The following RELN variants were observed in gnomAD, a reference collection of about 807,000 sequenced individuals.
The protein encoded by RELN is reelin.
In RELN, 108 loss-of-function variants were observed where a neutral mutation model predicts 427.6. The ratio of observed to expected loss-of-function variants is 0.25; its 90% CI spans 0.22 to 0.30. The LOEUF (loss-of-function observed/expected upper bound fraction) is 0.30, where lower values mean the gene tolerates loss of function less well. Ranked by LOEUF, RELN falls within the 10% of genes least tolerant of loss-of-function variation. The probability of loss-of-function intolerance (pLI) is 1.00; values close to 1 mark genes in which losing one functional copy is unlikely to be tolerated. For synonymous variants in RELN, 1,524 were observed against 1,513.4 expected (o/e 1.01, Z -0.16); for missense variants, 3,715 against 4,302.8 (o/e 0.86, Z 3.82).
intron 6 of RELN, among the ~76,000 whole-genome samples, chr7:103,746,899 C>T (rs1401493654): frequency 6.6e-6 from 1 of 152,086 alleles, no homozygotes; most frequent in Non-Finnish European, 1.5e-5. Context: ...TTTGACCCAG[C>T]CATCCCATTA....
intron 11 of RELN, among the ~76,000 whole-genome samples, chr7:103,679,248 A>T (rs773820099): frequency 1.1e-4 from 16 of 152,204 alleles, no homozygotes; most frequent in Non-Finnish European, 2.1e-4. Context: ...TCTTCTCATT[A>T]TCCTTTTATA....
intron 50 of RELN, chr7:103,513,780 G>T (rs755977650): frequency 4.6e-5 from 7 of 151,832 alleles, no homozygotes; most frequent in Non-Finnish European, 1.0e-4. Context: ...AACAAAAAAA[G>T]AAGCTATGAA....
Position 103,839,735 on chromosome 7 carries a change from G to A in RELN, c.338-6063C>T, listed in dbSNP as rs112668473. On this transcript the variant is annotated intron_variant, in intron 2 of 64. Coordinates refer to ENST00000428762, the MANE Select transcript of RELN (RefSeq NM_005045.4). ...TTACTATGACCTGGCACTACTCTAA[G>A]TGCTTCATAAATATTAACTTATTTA... is the stretch of plus-strand genomic sequence containing the variant. Among the ~76,000 whole-genome samples the A allele has an allele frequency of 4.7e-3, 709 of 152,218 alleles. 6 individuals carry two copies. Among genetic ancestry groups the A allele is most frequent in the African/African-American group, 0.016 (683 of 41,522 alleles).
At chr7:103,882,191 C>T (rs1794622746) in intron 2 of RELN, among the ~76,000 whole-genome samples, 1 of 152,210 alleles carries the variant, frequency 6.6e-6, no homozygotes, top group African/African-American at 2.4e-5. Context: ...TCTGGAGCAA[C>T]TTTCCAATCT....
At chr7:103,758,069 TAA>T (rs1157014831) in intron 4 of RELN, among the ~76,000 whole-genome samples, 1 of 152,218 alleles carries the variant, frequency 6.6e-6, no homozygotes, top group Non-Finnish European at 1.5e-5. Flanking sequence ...CCAATTCTGT[TAA>T]GAGTTCCCTG....
chr7:103,481,025 G>A (rs578229656), intron 63 of RELN, among the ~76,000 whole-genome samples: 1 of 152,326 alleles, frequency 6.6e-6, no homozygotes, highest in South Asian at 2.1e-4. Flanking sequence ...CTTGGGTGCT[G>A]TGTGCTGAGG....
intron 3 of RELN, among the ~76,000 whole-genome samples, chr7:103,794,072 C>T (rs1289424188): frequency 2.0e-5 from 3 of 152,060 alleles, no homozygotes; most frequent in African/African-American, 7.2e-5. Flanking sequence ...TGGCCATAAA[C>T]AGAAGTAATA....
intron 10 of RELN, among the ~76,000 whole-genome samples, chr7:103,697,306 A>G (rs545127439): frequency 6.6e-6 from 1 of 152,120 alleles, no homozygotes; most frequent in Non-Finnish European, 1.5e-5. Context: ...TCAGCCCACA[A>G]CACAGCCTTA....
At chr7:103,843,208 A>AT (rs919623211) in intron 2 of RELN, among the ~76,000 whole-genome samples, 147 of 146,996 alleles carry the variant, frequency 1.0e-3, no homozygotes, top group East Asian at 2.2e-3. Flanking sequence ...GACTCAGGAA[A>AT]TTTTTTTTTT....
chr7:103,624,387 G>A (rs549405302), intron 20 of RELN, among the ~76,000 whole-genome samples: 4 of 151,952 alleles, frequency 2.6e-5, no homozygotes, highest in African/African-American at 9.7e-5. Flanking sequence ...CCACCACATC[G>A]TCACATACCA....
intron 8 of RELN, among the ~76,000 whole-genome samples, chr7:103,705,010 C>T (rs114821411): frequency 6.6e-6 from 1 of 152,170 alleles, no homozygotes; most frequent in Non-Finnish European, 1.5e-5. Flanking sequence ...CTCTTCACTT[C>T]CACCACCCTC....
rs374852076 is a variant in RELN at position 103,958,583 on chromosome 7, A to ATG, written c.226+30546_226+30547dup. Among the ~76,000 whole-genome samples, 32 of 152,004 alleles carry ATG rather than the reference A, an allele frequency of 2.1e-4. 1 individual carries two copies. The highest frequency in any genetic ancestry group is 5.8e-4 in the East Asian group (3 of 5,162). On this transcript the variant is annotated intron_variant, in intron 1 of 64. Coordinates refer to ENST00000428762, the MANE Select transcript of RELN (RefSeq NM_005045.4). The stretch of plus-strand genomic sequence containing the variant: ...GTGTTTCTCATTTCAGTGAATATCT[A>ATG]TGTGTGTGTGTGTAGGAGTGTATGG...
In RELN at chr7:103,535,387, C is replaced by A. The variant is rs1438743416; in HGVS notation, c.7278G>T (p.Leu2426=). ...PTNVECSRYH[L]QRILVSDTFN... ...AAGTGTCTGACACCAGGATCCGTTG[C>A]AGATGATAGCGACTGCATTCCACAT... Residue 2426 remains leucine, a synonymous_variant, in exon 46 of 65, where the codon CTG becomes CTT. Coordinates refer to ENST00000428762, the MANE Select transcript of RELN (RefSeq NM_005045.4). 17 of 1,614,084 alleles carry A rather than the reference C, an allele frequency of 1.1e-5. No homozygotes were observed. In the South Asian group the frequency reaches 1.9e-4, roughly 18 times the overall value.
chr7:103,841,065 G>T (rs142778403), intron 2 of RELN, among the ~76,000 whole-genome samples: 3 of 152,248 alleles, frequency 2.0e-5, no homozygotes, highest in African/African-American at 7.2e-5. Context: ...TTTTTCAAGA[G>T]AATTGAGAGA....
rs117463668 is a variant in RELN, at chr7:103,700,665, T to G, written c.902+245A>C. 8.1e-4 allele frequency among the ~76,000 whole-genome samples: 123 copies of G among 152,244 alleles called. No homozygotes were observed. The South Asian group carries it at 0.013, about 16-fold the overall frequency. On this transcript the variant is annotated intron_variant, in intron 9 of 64. Coordinates refer to ENST00000428762, the MANE Select transcript of RELN (RefSeq NM_005045.4). The stretch of plus-strand genomic sequence containing the variant: ...AAAAGCTATGATTGCAAATTTACTT[T>G]TACCAAAAATAGTTTGTTATAAGTA...
At chr7:103,550,837 C>T (rs1374562586) in intron 41 of RELN, among the ~76,000 whole-genome samples, 1 of 152,026 alleles carries the variant, frequency 6.6e-6, no homozygotes, top group Non-Finnish European at 1.5e-5. Flanking sequence ...GATGTGAACC[C>T]CACTACAGGG....
At chr7:103,589,103 A>C (rs1831349392) in intron 28 of RELN, among the ~76,000 whole-genome samples, 1 of 152,212 alleles carries the variant, frequency 6.6e-6, no homozygotes, top group Non-Finnish European at 1.5e-5. Flanking sequence ...TTTGTGAAAG[A>C]TAAAATTTCT....
intron 3 of RELN, among the ~76,000 whole-genome samples, chr7:103,812,607 T>A (rs1792770553): frequency 6.6e-6 from 1 of 152,206 alleles, no homozygotes. Flanking sequence ...TGGATTTCCC[T>A]GGGCTGTAGT....
intron 20 of RELN, among the ~76,000 whole-genome samples, chr7:103,612,377 G>A (rs2117293209): frequency 6.6e-6 from 1 of 151,042 alleles, no homozygotes; most frequent in African/African-American, 2.4e-5. Context: ...CCTGGTTCAA[G>A]TGATTCTCCT....
Sources: allele counts gnomAD v4.1 joint callset (sites outside exome capture counted in the v4.1 genomes callset), GRCh38; gene constraint gnomAD v4.1.1; transcripts MANE v1.5; gene names NCBI Gene and HGNC (gene_info 2026-07-23, HGNC 2026-07-21).